Variants in RFC5 observed in about 807,000 individuals in gnomAD.
RFC5 encodes replication factor C subunit 5, also known as A1 36 kDa subunit.
RFC5 carries 26 observed loss-of-function variants against 44.3 expected under a neutral mutation model. The ratio of observed to expected loss-of-function variants is 0.59; its 90% CI spans 0.43 to 0.81. The LOEUF (loss-of-function observed/expected upper bound fraction) is 0.81. RFC5 is among the 40% of genes least tolerant of loss of function. RFC5 has a pLI of 0.00. For synonymous variants in RFC5, 155 were observed against 155.2 expected (o/e 1.00, Z 0.01); for missense variants, 328 against 418.6 (o/e 0.78, Z 1.89).
At chr12:118,018,012 T>C in intron 1 of RFC5, 1 of 701,960 alleles carries the variant, frequency 1.4e-6, no homozygotes, top group East Asian at 2.7e-5. Context: ...CAACCACTAA[T>C]CTGCTTTCTA....
chr12:118,024,157 T>G (rs952764909), intron 5 of RFC5, among the ~76,000 whole-genome samples: 3 of 151,786 alleles, frequency 2.0e-5, no homozygotes, highest in Non-Finnish European at 2.9e-5. Context: ...CTGGCTAACA[T>G]GGTGAAACCC....
At chr12:118,017,691 G>T in intron 1 of RFC5, 1 of 818,304 alleles carries the variant, frequency 1.2e-6, no homozygotes. Context: ...TTTTTTTAGA[G>T]ACAGGGTCTC....
chr12:118,037,645 G>A (rs150713183), downstream of RFC5, among the ~76,000 whole-genome samples: 2,160 of 149,974 alleles, frequency 0.014, 39 homozygotes, highest in Middle Eastern at 0.071. Context: ...TCCAGCTTGG[G>A]CAACAACAGC....
At chr12:118,031,122 T>C in intron 10 of RFC5, 60 bp from the exon 11 acceptor site, 1 of 1,237,036 alleles carries the variant, frequency 8.1e-7, no homozygotes, top group Non-Finnish European at 1.2e-6. Context: ...TCTTGGTCCC[T>C]TAAGAAAAGG....
chr12:118,025,208 T>C (rs1198684118), intron 6 of RFC5, 198 bp downstream of exon 6: 1 of 488,696 alleles, frequency 2.0e-6, no homozygotes, highest in Non-Finnish European at 3.6e-6. Context: ...AGTCATTTGG[T>C]ACTTCATTTT....
At chr12:118,038,449 C>T in the RFC5 span, 135 of 1,529,292 alleles carry the variant, frequency 8.8e-5, no homozygotes, top group East Asian at 2.7e-4. Flanking sequence ...GACTGGAGAA[C>T]GGGAGAACTG....
Position 118,025,039 on chromosome 12 carries a change from G to T in RFC5, c.581+29G>T, listed in dbSNP as rs767995793. ...AGTATTTTGCGGGCCTTTGGGGATG[G>T]AGTGTAGTAGAAACAGGCTTGTGGG... On this transcript the variant is annotated intron_variant, in intron 6 of 10. Coordinates refer to ENST00000454402, the MANE Select transcript of RFC5 (RefSeq NM_007370.7). 3.7e-6 allele frequency: 6 copies of T among 1,602,504 alleles called. No individual in the cohort carries two copies. The Admixed American group carries it at 1.0e-4, about 27-fold the overall frequency.
Position 118,019,244 on chromosome 12 carries a change from T to G in RFC5, c.130+108T>G, listed in dbSNP as rs2030319981. 7.2e-6 allele frequency: 6 copies of G among 834,516 alleles called. No homozygotes were observed. The highest frequency in any genetic ancestry group is 1.4e-5 in the South Asian group (1 of 71,440). 51.7% of individuals were successfully genotyped at this position (834,516 alleles called of 1,614,324 possible). On this transcript the variant is annotated intron_variant, in intron 2 of 10. Coordinates refer to ENST00000454402, the MANE Select transcript of RFC5 (RefSeq NM_007370.7). The surrounding 1 kb of genome is among the most constrained non-coding windows in gnomAD (Gnocchi z 4.2). ...TAACTTCAAAGAATCTGATTGCGCT[T>G]TGTAGAATGTGGCTTTAAGATCATT...
At chr12:118,023,401 G>GAGA (rs1335621358) in intron 5 of RFC5, among the ~76,000 whole-genome samples, 1 of 44,182 alleles carries the variant, frequency 2.3e-5, no homozygotes, top group Non-Finnish European at 4.0e-5. Flanking sequence ...GGGGAAGGGG[G>GAGA]AGGAGGAGGA....
chr12:118,025,082 A>G (rs1037705871), intron 6 of RFC5, 72 bp downstream of exon 6: 5 of 1,468,776 alleles, frequency 3.4e-6, no homozygotes, highest in African/African-American at 2.8e-5. Flanking sequence ...GCTGGTTCGT[A>G]TGTAGAGGAG....
chr12:118,035,290 C>T (rs34549466), downstream of RFC5: 260 of 1,614,190 alleles, frequency 1.6e-4, 1 homozygote, highest in African/African-American at 2.9e-3. Context: ...ATGTGGACGT[C>T]ACTGTCATCC....
the RFC5 span, among the ~76,000 whole-genome samples, chr12:118,040,850 C>G: frequency 6.6e-6 from 1 of 152,124 alleles, no homozygotes; most frequent in Non-Finnish European, 1.5e-5. Flanking sequence ...GAGTTTGAGA[C>G]CAGCCTGGCC....
chr12:118,034,400 G>A (rs764772394), downstream of RFC5: 19 of 1,601,866 alleles, frequency 1.2e-5, no homozygotes, highest in Non-Finnish European at 1.5e-5. Context: ...GAGCTTGGAT[G>A]TTCATGTTTT....
At position 118,022,358 on chromosome 12, in the gene RFC5, A is replaced by G; in HGVS notation, c.420A>G (p.Arg140=). 1 of 1,607,826 alleles carries G rather than the reference A, an allele frequency of 6.2e-7. No individual in the cohort carries two copies. The highest frequency in any genetic ancestry group is 8.5e-7 in the Non-Finnish European group (1 of 1,174,250). ...MTQDAQNALR[R]VIEKFTENTR... is the part of the protein sequence containing the mutation. ...AGGACGCCCAGAATGCCTTGAGAAG[A>G]GGTAAGCAGAGGCACTGTGGAGCGT... Residue 140 remains arginine (R), a splice_region_variant and synonymous_variant, in exon 5 of 11, where the codon AGA becomes AGG. Transcript: ENST00000454402.
At chr12:118,017,300 T>C (rs1348931477) in intron 1 of RFC5, among the ~76,000 whole-genome samples, 1 of 152,238 alleles carries the variant, frequency 6.6e-6, no homozygotes, top group Non-Finnish European at 1.5e-5. Flanking sequence ...TCAACTTTTA[T>C]TGAATGGCAT....
At position 118,031,703 on chromosome 12, in the gene RFC5, G is replaced by A. The variant is rs1187208422; in HGVS notation, c.*425G>A. On this transcript the variant is annotated 3_prime_UTR_variant, in exon 11 of 11. Coordinates refer to ENST00000454402, the MANE Select transcript of RFC5 (RefSeq NM_007370.7). ...AATTACATTTATGATTCTAATATTTGGCATTGTGTCTGTATCTAATTTAAA... is the reference window on the plus strand; with the variant it reads ...AATTACATTTATGATTCTAATATTTAGCATTGTGTCTGTATCTAATTTAAA... The A allele has an allele frequency of 6.6e-6, 1 of 152,326 alleles. No homozygotes were observed. Among genetic ancestry groups the A allele is most frequent in the African/African-American group, 2.4e-5 (1 of 41,382 alleles). The allele number at this position is 152,326 out of a possible 1,614,324, so 9.4% of individuals were successfully genotyped here. A position where few individuals can be genotyped will look rare whatever the true frequency, so the allele number is the denominator to read the frequency against.
chr12:118,027,307 A>G (rs1429220097), intron 8 of RFC5: 1 of 365,800 alleles, frequency 2.7e-6, no homozygotes, highest in Non-Finnish European at 5.1e-6. Context: ...GGAATTTTCA[A>G]GTGGTCATGA....
chr12:118,038,323 A>T, the RFC5 span: 1 of 1,614,194 alleles, frequency 6.2e-7, no homozygotes, highest in Non-Finnish European at 8.5e-7. Flanking sequence ...AGCATGCTGC[A>T]GTCTGGGGAG....
At chr12:118,034,043 T>C, downstream of RFC5, 1 of 999,090 alleles carries the variant, frequency 1.0e-6, no homozygotes, top group Non-Finnish European at 1.5e-6. Context: ...GATCCATGAC[T>C]AGTACACTGG....
Sources: gnomAD v4.1 joint callset for allele counts (sites outside exome capture counted in the v4.1 genomes callset) on GRCh38, gnomAD v4.1.1 for gene constraint, Gnocchi (gnomAD v3.1) non-coding constraint, MANE v1.5 for transcripts, NCBI Gene and HGNC (gene_info 2026-07-23, HGNC 2026-07-21) for gene names.